Variants in TTLL11 observed in about 807,000 individuals in gnomAD.
The protein encoded by TTLL11 is tubulin polyglutamylase TTLL11.
A neutral mutation model predicts 51.7 loss-of-function variants in TTLL11; 42 were observed. The observed-to-expected ratio is 0.81, with a 90% CI of 0.64 to 1.05. The LOEUF (loss-of-function observed/expected upper bound fraction) is 1.05. Ranked by LOEUF, TTLL11 falls within the 50% of genes least tolerant of loss-of-function variation. The probability of loss-of-function intolerance (pLI) is 0.00; values close to 1 mark genes in which losing one functional copy is unlikely to be tolerated. For synonymous variants in TTLL11, 381 were observed against 383.5 expected, an observed-to-expected ratio of 0.99 and a Z score of 0.08; for missense variants, 799 against 940.4, an observed-to-expected ratio of 0.85 and a Z score of 1.97.
intron 1 of TTLL11, among the ~76,000 whole-genome samples, chr9:122,070,013 GCGCACACACACACA>G (rs1367899321): frequency 1.4e-4 from 21 of 145,954 alleles, no homozygotes; most frequent in Non-Finnish European, 2.1e-4. Flanking sequence ...ACACACACAC[GCGCACACACACACA>G]CACACCAGAA....
At chr9:122,085,069 A>C (rs901390703) in intron 1 of TTLL11, among the ~76,000 whole-genome samples, 21 of 152,204 alleles carry the variant, frequency 1.4e-4, no homozygotes, top group Admixed American at 1.4e-3. Context: ...AGACCAGCCT[A>C]GCCAACATGG....
intron 3 of TTLL11, among the ~76,000 whole-genome samples, chr9:121,997,053 C>T (rs1268749933): frequency 6.6e-6 from 1 of 152,182 alleles, no homozygotes. Context: ...GCTCAGAAAA[C>T]TTGAGGGGCA....
chr9:122,003,908 G>C (rs1843559017), intron 3 of TTLL11, among the ~76,000 whole-genome samples: 1 of 150,678 alleles, frequency 6.6e-6, no homozygotes. Flanking sequence ...ATGAGGTCAG[G>C]AGTTTGAGAC....
chr9:121,959,585 C>T (rs549950940), intron 6 of TTLL11, among the ~76,000 whole-genome samples: 32 of 152,260 alleles, frequency 2.1e-4, no homozygotes, highest in African/African-American at 4.1e-4. Flanking sequence ...CTCCTAAAAA[C>T]GTCTTAATAC....
intron 8 of TTLL11, among the ~76,000 whole-genome samples, chr9:121,826,469 ATATATATATATG>A (rs1564260241): frequency 5.2e-4 from 14 of 27,128 alleles, no homozygotes; most frequent in African/African-American, 8.8e-4. Context: ...ATATGTGTGT[ATATATATATATG>A]TATATATATA....
chr9:121,950,333 G>A (rs924783923), intron 6 of TTLL11, among the ~76,000 whole-genome samples: 2 of 152,024 alleles, frequency 1.3e-5, no homozygotes, highest in Admixed American at 6.6e-5. Context: ...CTCTCCCTAA[G>A]TGCCCACCAC....
intron 1 of TTLL11, among the ~76,000 whole-genome samples, chr9:122,042,541 A>G (rs563649159): frequency 1.3e-5 from 2 of 152,336 alleles, no homozygotes; most frequent in African/African-American, 4.8e-5. Context: ...ACATACTCTT[A>G]TTATATAATC....
intron 7 of TTLL11, among the ~76,000 whole-genome samples, chr9:121,866,369 G>T (rs1417636852): frequency 7.2e-5 from 11 of 152,122 alleles, no homozygotes; most frequent in Non-Finnish European, 1.5e-4. Flanking sequence ...ATTTGAAAAA[G>T]AAAAATCCGG....
At chr9:121,893,116 G>A (rs1839318633) in intron 6 of TTLL11, among the ~76,000 whole-genome samples, 1 of 152,062 alleles carries the variant, frequency 6.6e-6, no homozygotes, top group African/African-American at 2.4e-5. Flanking sequence ...GATACTTAAT[G>A]CATATTATTT....
At chr9:121,952,906 T>C (rs1391637587) in intron 6 of TTLL11, among the ~76,000 whole-genome samples, 3 of 152,174 alleles carry the variant, frequency 2.0e-5, no homozygotes, top group Non-Finnish European at 4.4e-5. Flanking sequence ...AGGTGATATT[T>C]TGGCCCTTAT....
chr9:121,856,779 C>T (rs1837835654), intron 8 of TTLL11, among the ~76,000 whole-genome samples: 1 of 152,216 alleles, frequency 6.6e-6, no homozygotes, highest in Admixed American at 6.5e-5. Context: ...ATGGCACCCA[C>T]ACCTCCAGCC....
chr9:122,050,185 G>A (rs1448604406), intron 1 of TTLL11, among the ~76,000 whole-genome samples: 1 of 152,256 alleles, frequency 6.6e-6, no homozygotes, highest in African/African-American at 2.4e-5. Flanking sequence ...TATGTGGACT[G>A]CGATAACACA....
At chr9:121,891,905 T>C (rs1839248752) in intron 6 of TTLL11, among the ~76,000 whole-genome samples, 1 of 150,604 alleles carries the variant, frequency 6.6e-6, no homozygotes, top group South Asian at 2.1e-4. Flanking sequence ...ATTATCATCA[T>C]ATATATACGT....
chr9:122,047,608 A>G (rs1564374173), intron 1 of TTLL11, among the ~76,000 whole-genome samples: 2 of 151,896 alleles, frequency 1.3e-5, no homozygotes, highest in Non-Finnish European at 2.9e-5. Context: ...AAAGCAAGGG[A>G]AAAGTGTTTC....
At chr9:121,826,217 T>TATATATATACACAC (rs1491163835) in intron 8 of TTLL11, among the ~76,000 whole-genome samples, 1 of 58,114 alleles carries the variant, frequency 1.7e-5, no homozygotes, top group African/African-American at 7.4e-5. Context: ...TATATATATA[T>TATATATATACACAC]GCACACATAT....
intron 8 of TTLL11, among the ~76,000 whole-genome samples, chr9:121,826,233 T>C (rs1331026109): frequency 4.1e-5 from 5 of 121,922 alleles, no homozygotes; most frequent in Non-Finnish European, 8.6e-5. Flanking sequence ...CATATATATA[T>C]ACACGCACAT....
chr9:121,905,128 G>A (rs1004991448), intron 6 of TTLL11, among the ~76,000 whole-genome samples: 1 of 151,942 alleles, frequency 6.6e-6, no homozygotes, highest in Non-Finnish European at 1.5e-5. Context: ...AATATCACTG[G>A]TTCTAATATT....
intron 2 of TTLL11, among the ~76,000 whole-genome samples, chr9:122,036,034 T>A (rs116715009): frequency 2.6e-5 from 4 of 152,280 alleles, no homozygotes; most frequent in Middle Eastern, 3.4e-3. Context: ...GAGGCTCAGT[T>A]TCCATGCCAG....
intron 8 of TTLL11, among the ~76,000 whole-genome samples, chr9:121,826,553 G>GTATATATATATA (rs1385087890): frequency 4.4e-5 from 2 of 45,224 alleles, no homozygotes; most frequent in African/African-American, 3.6e-4. Context: ...ATATATATGT[G>GTATATATATATA]TGTGTATATA....
Sources: gnomAD v4.1 joint callset for allele counts (sites outside exome capture counted in the v4.1 genomes callset) on GRCh38, gnomAD v4.1.1 for gene constraint, MANE v1.5 for transcripts, NCBI Gene and HGNC (gene_info 2026-07-23, HGNC 2026-07-21) for gene names.